CNBD1: variants seen among roughly 807,000 people sequenced by gnomAD.
CNBD1 encodes the protein cyclic nucleotide-binding domain-containing protein 1.
Under a neutral mutation model 54.4 loss-of-function variants are expected in CNBD1, and 71 were observed. The observed-to-expected ratio is 1.30, with a 90% CI of 1.08 to 1.59. The LOEUF is 1.59. CNBD1 is among the 40% of genes most tolerant of loss of function. The pLI, the probability that CNBD1 is intolerant of heterozygous loss-of-function variation, is 0.00. For missense variants in CNBD1, 659 were observed against 518.0 expected, an observed-to-expected ratio of 1.27 and a Z score of -2.64; for synonymous variants, 182 against 170.7, an observed-to-expected ratio of 1.07 and a Z score of -0.51.
chr8:87,406,431 C>CAT (rs1807653246), intron 2 of CNBD1, among the ~76,000 whole-genome samples: 1 of 144,326 alleles, frequency 6.9e-6, no homozygotes, highest in Non-Finnish European at 1.5e-5. Context: ...ACTCAGTTTA[C>CAT]ATATATATGT....
chr8:86,896,702 A>G (rs193129321), intron 2 of CNBD1, among the ~76,000 whole-genome samples: 1 of 152,288 alleles, frequency 6.6e-6, no homozygotes, highest in African/African-American at 2.4e-5. Context: ...AATTATTAAA[A>G]TTAAAAACTC....
At chr8:87,010,959 G>A (rs1286937566) in intron 4 of CNBD1, among the ~76,000 whole-genome samples, 1 of 152,104 alleles carries the variant, frequency 6.6e-6, no homozygotes, top group Non-Finnish European at 1.5e-5. Context: ...TGGACATTGA[G>A]TGTGAAATGT....
chr8:87,028,809 G>T (rs1177649098), intron 4 of CNBD1, among the ~76,000 whole-genome samples: 1 of 152,176 alleles, frequency 6.6e-6, no homozygotes, highest in Non-Finnish European at 1.5e-5. Context: ...TAAGTTTCAA[G>T]CTTTAAGACC....
At chr8:87,327,529 T>G (rs184992523) in intron 8 of CNBD1, among the ~76,000 whole-genome samples, 209 of 152,306 alleles carry the variant, frequency 1.4e-3, no homozygotes, top group African/African-American at 4.7e-3. Flanking sequence ...TAAGCCGGTC[T>G]GAAAAGCGCA....
At chr8:87,420,885 C>T (rs1345708858) in intron 2 of CNBD1, among the ~76,000 whole-genome samples, 2 of 151,666 alleles carry the variant, frequency 1.3e-5, no homozygotes, top group African/African-American at 4.8e-5. Context: ...TCTTATGATC[C>T]TTTTGTATCT....
rs1563493041 is a variant in CNBD1, at chr8:87,166,399, C to T, written c.432-39594C>T. ...AATAGCCTCCTTGGCAGGTTTGTATCTTCCACTACTTCTGCATGCCAGCCT... is the reference window on the plus strand; with the variant it reads ...AATAGCCTCCTTGGCAGGTTTGTATTTTCCACTACTTCTGCATGCCAGCCT... On this transcript the variant is annotated intron_variant, in intron 4 of 10. Coordinates refer to ENST00000518476, the MANE Select transcript of CNBD1 (RefSeq NM_173538.3). The surrounding 1 kb of genome is among the most constrained non-coding windows in gnomAD (Gnocchi z 4.3). Among the ~76,000 whole-genome samples the T allele has an allele frequency of 6.6e-6, 1 of 151,974 alleles. No homozygotes were observed.
intron 4 of CNBD1, among the ~76,000 whole-genome samples, chr8:87,103,931 A>G (rs922253156): frequency 2.0e-5 from 3 of 152,226 alleles, no homozygotes; most frequent in Non-Finnish European, 2.9e-5. Flanking sequence ...CTGTGATACA[A>G]GAGTCAAGGG....
chr8:86,936,835 A>G (rs1351885773), intron 3 of CNBD1, among the ~76,000 whole-genome samples: 1 of 152,160 alleles, frequency 6.6e-6, no homozygotes, highest in Non-Finnish European at 1.5e-5. Flanking sequence ...TTTACCCAGT[A>G]TCAAGTTTTA....
chr8:87,215,200 A>T (rs922461770), intron 5 of CNBD1, among the ~76,000 whole-genome samples: 1 of 152,048 alleles, frequency 6.6e-6, no homozygotes, highest in African/African-American at 2.4e-5. Context: ...AGACCTTGAA[A>T]CCATTATGAT....
At chr8:87,260,645 G>A (rs141753122) in intron 6 of CNBD1, among the ~76,000 whole-genome samples, 2 of 152,160 alleles carry the variant, frequency 1.3e-5, no homozygotes, top group African/African-American at 2.4e-5. Context: ...AGGATGCCAG[G>A]TTTCTGGGTT....
At chr8:87,423,075 T>C (rs1807974003) in intron 2 of CNBD1, among the ~76,000 whole-genome samples, 1 of 147,742 alleles carries the variant, frequency 6.8e-6, no homozygotes, top group African/African-American at 2.7e-5. Flanking sequence ...GCTCTCTGTT[T>C]GTCTGTTGTT....
intron 5 of CNBD1, among the ~76,000 whole-genome samples, chr8:87,233,297 A>G (rs1329656463): frequency 6.6e-6 from 1 of 152,134 alleles, no homozygotes; most frequent in Non-Finnish European, 1.5e-5. Context: ...TGATCCATTT[A>G]TTATACAGGC....
chr8:87,315,716 A>G (rs907515607), intron 8 of CNBD1, among the ~76,000 whole-genome samples: 3 of 152,056 alleles, frequency 2.0e-5, no homozygotes, highest in Non-Finnish European at 4.4e-5. Flanking sequence ...TAAAATATCC[A>G]TAGCAGCTGG....
chr8:86,937,012 T>TA (rs1336136992), intron 3 of CNBD1, among the ~76,000 whole-genome samples: 1 of 152,186 alleles, frequency 6.6e-6, no homozygotes, highest in Non-Finnish European at 1.5e-5. Context: ...GTGTATTGTG[T>TA]ATTCATCTGT....
chr8:87,250,812 T>C (rs1399694511), intron 6 of CNBD1, among the ~76,000 whole-genome samples: 2 of 152,282 alleles, frequency 1.3e-5, no homozygotes, highest in East Asian at 3.9e-4. Flanking sequence ...ATGATGTTTG[T>C]CAGAGGCAGA....
chr8:87,175,792 T>G (rs1813184922), intron 4 of CNBD1, among the ~76,000 whole-genome samples: 1 of 152,172 alleles, frequency 6.6e-6, no homozygotes. Flanking sequence ...GGTCAGTAAT[T>G]GGAATTTTAG....
intron 2 of CNBD1, among the ~76,000 whole-genome samples, chr8:87,420,519 G>A (rs1807912541): frequency 6.6e-6 from 1 of 152,044 alleles, no homozygotes; most frequent in Admixed American, 6.6e-5. Context: ...TTTATTACAT[G>A]TCAAAGTTTG....
intron 4 of CNBD1, among the ~76,000 whole-genome samples, chr8:86,944,274 T>C (rs772249339): frequency 2.6e-5 from 4 of 152,236 alleles, no homozygotes; most frequent in Non-Finnish European, 5.9e-5. Flanking sequence ...CATACACTTT[T>C]GAACTCCTCT....
chr8:87,424,180 G>C (rs1808001019), intron 2 of CNBD1, among the ~76,000 whole-genome samples: 1 of 151,626 alleles, frequency 6.6e-6, no homozygotes, highest in South Asian at 2.1e-4. Context: ...TTCTTTATTA[G>C]TCTTGCTAGC....
Sources: gnomAD v4.1 joint callset for allele counts (sites outside exome capture counted in the v4.1 genomes callset) on GRCh38, gnomAD v4.1.1 for gene constraint, Gnocchi (gnomAD v3.1) non-coding constraint, MANE v1.5 for transcripts, NCBI Gene and HGNC (gene_info 2026-07-23, HGNC 2026-07-21) for gene names.